TMEM132C: variants seen among roughly 807,000 people sequenced by gnomAD.
TMEM132C encodes protein phosphatase 1, regulatory subunit 152.
TMEM132C carries 29 observed loss-of-function variants against 61.4 expected under a neutral mutation model. That is an observed-to-expected ratio of 0.47 (90% CI 0.35 to 0.64). TMEM132C has a LOEUF of 0.64. Ranked by LOEUF, TMEM132C falls within the 30% of genes least tolerant of loss-of-function variation. TMEM132C has a pLI of 0.00. For missense variants in TMEM132C, 1,408 were observed against 1,476.9 expected (o/e 0.95, Z 0.76); for synonymous variants, 656 against 633.1 (o/e 1.04, Z -0.54).
At chr12:128,271,689 C>G (rs1870527663) in intron 1 of TMEM132C, among the ~76,000 whole-genome samples, 3 of 152,186 alleles carry the variant, frequency 2.0e-5, no homozygotes, top group Admixed American at 2.0e-4. Flanking sequence ...TGCTCACTCG[C>G]CTGACCCTTC....
intron 1 of TMEM132C, among the ~76,000 whole-genome samples, chr12:128,277,866 C>A (rs905675475): frequency 6.6e-6 from 1 of 152,152 alleles, no homozygotes; most frequent in African/African-American, 2.4e-5. Flanking sequence ...TATCTCTCAT[C>A]ACATCTCTAC....
chr12:128,306,916 T>C (rs988413088), intron 1 of TMEM132C, among the ~76,000 whole-genome samples: 2 of 152,192 alleles, frequency 1.3e-5, no homozygotes, highest in African/African-American at 2.4e-5. Flanking sequence ...CCATGTTCTT[T>C]AGCTGTAAGC....
chr12:128,498,994 T>C (rs1593075444), intron 2 of TMEM132C, among the ~76,000 whole-genome samples: 2 of 152,252 alleles, frequency 1.3e-5, no homozygotes, highest in South Asian at 4.1e-4. Flanking sequence ...ACTATCAAAA[T>C]CCCAGCTGCC....
chr12:128,595,983 G>A (rs891044765), intron 3 of TMEM132C, among the ~76,000 whole-genome samples: 2 of 152,258 alleles, frequency 1.3e-5, no homozygotes, highest in Non-Finnish European at 2.9e-5. Context: ...GCTCTGCAGT[G>A]AGAACATCCA....
chr12:128,396,106 G>A (rs1190430295), intron 1 of TMEM132C, among the ~76,000 whole-genome samples: 1 of 152,142 alleles, frequency 6.6e-6, no homozygotes, highest in Non-Finnish European at 1.5e-5. Context: ...TAAGCTCTGG[G>A]TAGTGTTTCT....
intron 2 of TMEM132C, among the ~76,000 whole-genome samples, chr12:128,468,381 G>A (rs1450047446): frequency 1.3e-5 from 2 of 151,916 alleles, no homozygotes; most frequent in East Asian, 1.9e-4. Flanking sequence ...GCAATGGCAC[G>A]ATCTCGGCTC....
intron 5 of TMEM132C, among the ~76,000 whole-genome samples, chr12:128,677,410 T>C (rs11838168): frequency 0.053 from 8,096 of 151,752 alleles, 654 homozygotes; most frequent in African/African-American, 0.18. Context: ...AATAAGAAAA[T>C]GCATGAGAAT....
chr12:128,280,395 C>A (rs1175256346), intron 1 of TMEM132C, among the ~76,000 whole-genome samples: 1 of 152,198 alleles, frequency 6.6e-6, no homozygotes, highest in Non-Finnish European at 1.5e-5. Context: ...GGAGGGGCTC[C>A]TTCCTTGTAG....
intron 2 of TMEM132C, among the ~76,000 whole-genome samples, chr12:128,427,442 G>C (rs1869233098): frequency 7.4e-6 from 1 of 134,558 alleles, no homozygotes; most frequent in Non-Finnish European, 1.6e-5. Flanking sequence ...ATATATTTAA[G>C]GAGGGTGGTG....
intron 1 of TMEM132C, among the ~76,000 whole-genome samples, chr12:128,382,289 C>T (rs1484801031): frequency 3.3e-5 from 5 of 152,164 alleles, no homozygotes; most frequent in East Asian, 1.9e-4. Context: ...ATCATACTGA[C>T]GTACTGCACA....
chr12:128,375,926 A>C (rs1005719400), intron 1 of TMEM132C, among the ~76,000 whole-genome samples: 1 of 152,144 alleles, frequency 6.6e-6, no homozygotes, highest in Non-Finnish European at 1.5e-5. Flanking sequence ...GCAGATTTAG[A>C]AGGTGACTTT....
At chr12:128,420,019 C>T (rs1713579) in intron 2 of TMEM132C, among the ~76,000 whole-genome samples, 7 of 151,864 alleles carry the variant, frequency 4.6e-5, no homozygotes, top group Admixed American at 4.6e-4. Context: ...GTGGTGAAAC[C>T]CTGTCTCTAC....
At chr12:128,342,576 TC>T (rs1328920493) in intron 1 of TMEM132C, among the ~76,000 whole-genome samples, 4 of 78,450 alleles carry the variant, frequency 5.1e-5, no homozygotes, top group African/African-American at 1.4e-4. Flanking sequence ...CATCATTTCC[TC>T]CCTCCTTTTC....
chr12:128,432,556 C>T (rs1367966414), intron 2 of TMEM132C, among the ~76,000 whole-genome samples: 1 of 152,120 alleles, frequency 6.6e-6, no homozygotes, highest in Non-Finnish European at 1.5e-5. Flanking sequence ...GTAGAAATAG[C>T]AAAAGAATTA....
In TMEM132C at chr12:128,448,465, T is replaced by A. The variant is rs11059697; in HGVS notation, c.974+32845T>A. 3.3e-5 allele frequency among the ~76,000 whole-genome samples: 5 copies of A among 152,196 alleles called. No individual in the cohort carries two copies. In the East Asian group the frequency reaches 9.7e-4, roughly 30 times the overall value. ...GCTATCATCTGGGATGATGGGGGCC[T>A]CAGGGCCATCTGTGTGTCCTACTCT... is the stretch of plus-strand genomic sequence containing the variant. On this transcript the variant is annotated intron_variant, in intron 2 of 8. Coordinates refer to ENST00000435159, the MANE Select transcript of TMEM132C (RefSeq NM_001136103.3).
rs571348587 is a variant in TMEM132C, at chr12:128,390,418, G to C, written c.86-24314G>C. ...CCTGGCCCCTTCCCTATTCTGCAGA[G>C]CTGGCAGCTGTGGGTGGGTCCTGCT... On this transcript the variant is annotated intron_variant, in intron 1 of 8. Coordinates refer to ENST00000435159, the MANE Select transcript of TMEM132C (RefSeq NM_001136103.3). 2.9e-3 allele frequency among the ~76,000 whole-genome samples: 437 copies of C among 152,238 alleles called. 3 individuals are homozygous for C. Among genetic ancestry groups the C allele is most frequent in the African/African-American group, 9.8e-3 (406 of 41,546 alleles).
intron 1 of TMEM132C, among the ~76,000 whole-genome samples, chr12:128,349,195 G>A (rs554120620): frequency 6.6e-6 from 1 of 152,222 alleles, no homozygotes; most frequent in African/African-American, 2.4e-5. Flanking sequence ...GTAGAGACGG[G>A]GTTTCACCAT....
chr12:128,638,471 C>T (rs1294098940), intron 4 of TMEM132C, among the ~76,000 whole-genome samples: 2 of 152,338 alleles, frequency 1.3e-5, no homozygotes, highest in East Asian at 3.9e-4. Context: ...TTCCTCAGTG[C>T]TGGCACCATG....
chr12:128,437,478 TACC>T (rs1351697748), intron 2 of TMEM132C, among the ~76,000 whole-genome samples: 1 of 151,998 alleles, frequency 6.6e-6, no homozygotes, highest in Non-Finnish European at 1.5e-5. Flanking sequence ...AGATGGCCAC[TACC>T]ACCACCAAGA....
Sources: gnomAD v4.1 joint callset for allele counts (sites outside exome capture counted in the v4.1 genomes callset) on GRCh38, gnomAD v4.1.1 for gene constraint, MANE v1.5 for transcripts, NCBI Gene and HGNC (gene_info 2026-07-23, HGNC 2026-07-21) for gene names.